Variants in AJAP1 observed in about 807,000 individuals in gnomAD.
The protein encoded by AJAP1 is adherens junctions associated protein 1.
AJAP1 carries 5 observed loss-of-function variants against 35.0 expected under a neutral mutation model. The ratio of observed to expected loss-of-function variants is 0.14; its 90% CI spans 0.07 to 0.30. The LOEUF (loss-of-function observed/expected upper bound fraction) is 0.30. Among genes scored for constraint, AJAP1 ranks in the 10% least tolerant of loss-of-function variants. The pLI, the probability that AJAP1 is intolerant of heterozygous loss-of-function variation, is 1.00. For synonymous variants in AJAP1, 284 were observed against 249.3 expected (o/e 1.14, Z -1.31); for missense variants, 586 against 571.0 (o/e 1.03, Z -0.27).
chr1:4,756,470 G>T (rs1641435388), intron 2 of AJAP1, among the ~76,000 whole-genome samples: 1 of 152,280 alleles, frequency 6.6e-6, no homozygotes, highest in African/African-American at 2.4e-5. Flanking sequence ...ATGCCCTCCT[G>T]GGTCAATGTC....
chr1:4,697,592 G>T lies in AJAP1; in HGVS notation c.30-14308G>T, dbSNP rs562603865. Among the ~76,000 whole-genome samples the T allele has an allele frequency of 2.0e-5, 3 of 152,354 alleles. No individual in the cohort carries two copies. The South Asian group carries it at 6.2e-4, about 32-fold the overall frequency. ...CTCTGTGCAGTTTCAAGGTGGGCAC[G>T]TGAGTCCCACAGGCTGGTGCCAGGT... On this transcript the variant is annotated intron_variant, in intron 1 of 5. Transcript: ENST00000378191.
At chr1:4,765,534 T>G (rs1641665045) in intron 2 of AJAP1, among the ~76,000 whole-genome samples, 1 of 86,818 alleles carries the variant, frequency 1.2e-5, no homozygotes. Context: ...AGTCAAAGCC[T>G]CCTGAGAATG....
intron 1 of AJAP1, among the ~76,000 whole-genome samples, chr1:4,671,564 A>G (rs1435580783): frequency 1.3e-5 from 2 of 151,856 alleles, no homozygotes; most frequent in Non-Finnish European, 2.9e-5. Context: ...CCAGGAGGAA[A>G]TGCACCACCG....
At chr1:4,766,069 A>G (rs981248749) in intron 2 of AJAP1, among the ~76,000 whole-genome samples, 1 of 152,248 alleles carries the variant, frequency 6.6e-6, no homozygotes, top group Non-Finnish European at 1.5e-5. Flanking sequence ...TATTTAATCT[A>G]TAAGCAGAGC....
chr1:4,669,323 G>A (rs1639200784), intron 1 of AJAP1, among the ~76,000 whole-genome samples: 1 of 152,176 alleles, frequency 6.6e-6, no homozygotes, highest in Non-Finnish European at 1.5e-5. Context: ...ATACTGCTAT[G>A]AAGAAATGCC....
rs1021920011 is a variant in AJAP1 at position 4,712,051 on chromosome 1, CCCCGGCTGT to C, written c.182_190del (p.Pro61_Trp64delinsArg). ...CCTGCCGCGGTCGCCGCCCCGGCCG[CCCCGGCTGT>C]GGAGTTTTAGGAGTGGACAGCCAGC... On this transcript the variant is annotated inframe_deletion, in exon 2 of 6. Coordinates refer to ENST00000378191, the MANE Select transcript of AJAP1 (RefSeq NM_018836.4). 8 of 1,587,702 alleles carry C rather than the reference CCCCGGCTGT, an allele frequency of 5.0e-6. No individual in the cohort carries two copies. Among genetic ancestry groups the C allele is most frequent in the African/African-American group, 1.4e-5 (1 of 72,408 alleles).
intron 2 of AJAP1, among the ~76,000 whole-genome samples, chr1:4,741,653 A>G (rs1388494844): frequency 2.0e-5 from 3 of 152,174 alleles, no homozygotes; most frequent in East Asian, 3.8e-4. Flanking sequence ...TCATACATAC[A>G]TTTCTTGGCT....
intron 2 of AJAP1, among the ~76,000 whole-genome samples, chr1:4,758,612 C>T (rs1337442499): frequency 6.6e-6 from 1 of 152,132 alleles, no homozygotes; most frequent in Non-Finnish European, 1.5e-5. Flanking sequence ...ATTCAATTAC[C>T]CCCACTTGGT....
rs533306984 is a variant in AJAP1 at position 4,690,435 on chromosome 1, C to G, written c.30-21465C>G. Among the ~76,000 whole-genome samples the G allele has an allele frequency of 2.5e-3, 376 of 152,344 alleles. 1 individual carries two copies. The highest frequency in any genetic ancestry group is 8.6e-3 in the African/African-American group (357 of 41,582). ...GGCAGCCCCCACAGCTACGCCCTCT[C>G]TTCGTCATGGAGCCACAACCAGGAG... On this transcript the variant is annotated intron_variant, in intron 1 of 5. Coordinates refer to ENST00000378191, the MANE Select transcript of AJAP1 (RefSeq NM_018836.4).
At chr1:4,666,850 T>G (rs561907153) in intron 1 of AJAP1, among the ~76,000 whole-genome samples, 1 of 125,006 alleles carries the variant, frequency 8.0e-6, no homozygotes, top group Non-Finnish European at 1.7e-5. Flanking sequence ...GAGAGGAGCC[T>G]GTGAATCACA....
At chr1:4,759,876 G>T (rs768954046) in intron 2 of AJAP1, among the ~76,000 whole-genome samples, 7 of 152,114 alleles carry the variant, frequency 4.6e-5, no homozygotes, top group African/African-American at 1.7e-4. Context: ...AGCCCCTCCC[G>T]CCAGGCTCCA....
chr1:4,765,896 GA>G (rs931427266), intron 2 of AJAP1, among the ~76,000 whole-genome samples: 7 of 152,152 alleles, frequency 4.6e-5, no homozygotes, highest in African/African-American at 9.7e-5. Context: ...CCATAAACTA[GA>G]GGCTGTGGGT....
chr1:4,747,843 C>T (rs1641225293), intron 2 of AJAP1, among the ~76,000 whole-genome samples: 1 of 151,936 alleles, frequency 6.6e-6, no homozygotes, highest in Non-Finnish European at 1.5e-5. Flanking sequence ...CAAAAATGTG[C>T]CGGGCGTGGT....
chr1:4,679,846 T>TA (rs1385468410), intron 1 of AJAP1, among the ~76,000 whole-genome samples: 2 of 136,158 alleles, frequency 1.5e-5, no homozygotes, highest in East Asian at 2.6e-4. Context: ...TGTGTGTGTG[T>TA]GTGTGTAGAG....
chr1:4,690,660 C>T (rs1639718939), intron 1 of AJAP1, among the ~76,000 whole-genome samples: 2 of 152,158 alleles, frequency 1.3e-5, no homozygotes, highest in Non-Finnish European at 2.9e-5. Context: ...TCCACCAATC[C>T]CGGAGACAGG....
chr1:4,689,946 C>T (rs1639700769), intron 1 of AJAP1, among the ~76,000 whole-genome samples: 1 of 152,146 alleles, frequency 6.6e-6, no homozygotes, highest in Admixed American at 6.5e-5. Context: ...TGTCCCTCAG[C>T]CAGGCTCCCT....
Position 4,785,194 on chromosome 1 carries a change from G to T in AJAP1, c.*2709G>T, listed in dbSNP as rs1317537622. The T allele has an allele frequency of 6.6e-6, 1 of 152,246 alleles. No individual in the cohort carries two copies. The highest frequency in any genetic ancestry group is 1.5e-5 in the Non-Finnish European group (1 of 68,096). The allele number at this position is 152,246 out of a possible 1,614,324, so 9.4% of individuals were successfully genotyped here. On this transcript the variant is annotated 3_prime_UTR_variant, in exon 6 of 6. Transcript: ENST00000378191. ...CTGGGTCCATAAGACATCGAGCCTT[G>T]GAAGGAAGCGTAATGCAACAACCCT...
chr1:4,758,857 C>T (rs1457833789), intron 2 of AJAP1, among the ~76,000 whole-genome samples: 1 of 152,202 alleles, frequency 6.6e-6, no homozygotes, highest in African/African-American at 2.4e-5. Flanking sequence ...GGCTGAGTCC[C>T]AGACGCTGCT....
At chr1:4,767,129 C>A (rs1489314394) in intron 2 of AJAP1, among the ~76,000 whole-genome samples, 1 of 152,126 alleles carries the variant, frequency 6.6e-6, no homozygotes, top group Non-Finnish European at 1.5e-5. Flanking sequence ...AGATCATTAC[C>A]CTTCTTTCTG....
Sources: allele counts gnomAD v4.1 joint callset (sites outside exome capture counted in the v4.1 genomes callset), GRCh38; gene constraint gnomAD v4.1.1; transcripts MANE v1.5; gene names NCBI Gene and HGNC (gene_info 2026-07-23, HGNC 2026-07-21).